Variants in CACNA2D3 observed in about 807,000 individuals in gnomAD.
CACNA2D3 encodes voltage-dependent calcium channel subunit alpha-2/delta-3.
Under a neutral mutation model 160.6 loss-of-function variants are expected in CACNA2D3, and 60 were observed. The ratio of observed to expected loss-of-function variants is 0.37; its 90% CI spans 0.30 to 0.46. The LOEUF is 0.46. Among genes scored for constraint, CACNA2D3 ranks in the 20% least tolerant of loss-of-function variants. The pLI is 1.00. For missense variants in CACNA2D3, 1,205 were observed against 1,365.0 expected, an observed-to-expected ratio of 0.88 and a Z score of 1.85; for synonymous variants, 558 against 492.9, an observed-to-expected ratio of 1.13 and a Z score of -1.75.
chr3:54,284,007 A>G (rs991707539), intron 2 of CACNA2D3, among the ~76,000 whole-genome samples: 3 of 152,206 alleles, frequency 2.0e-5, no homozygotes, highest in African/African-American at 4.8e-5. Context: ...GGTTGCATTG[A>G]GCCGAGATTG....
intron 5 of CACNA2D3, among the ~76,000 whole-genome samples, chr3:54,554,915 C>T (rs1209432330): frequency 3.0e-5 from 4 of 133,394 alleles, no homozygotes; most frequent in Non-Finnish European, 6.2e-5. Context: ...CACTCTGTCA[C>T]CCAGTCTGGA....
chr3:54,308,054 T>C (rs914808909), intron 2 of CACNA2D3, among the ~76,000 whole-genome samples: 1 of 152,234 alleles, frequency 6.6e-6, no homozygotes, highest in Non-Finnish European at 1.5e-5. Flanking sequence ...TTATTCTTTC[T>C]GTAGATTGTG....
chr3:54,424,777 A>G (rs1263664122), intron 4 of CACNA2D3, among the ~76,000 whole-genome samples: 1 of 152,026 alleles, frequency 6.6e-6, no homozygotes, highest in African/African-American at 2.4e-5. Context: ...CACATCCTGT[A>G]TTTCCCATAT....
At chr3:54,193,221 A>G (rs569559137) in intron 2 of CACNA2D3, among the ~76,000 whole-genome samples, 1 of 152,216 alleles carries the variant, frequency 6.6e-6, no homozygotes, top group Non-Finnish European at 1.5e-5. Flanking sequence ...GTGGGACTTT[A>G]TGTCCCTATT....
chr3:54,241,611 T>C (rs372008753), intron 2 of CACNA2D3, among the ~76,000 whole-genome samples: 184 of 152,344 alleles, frequency 1.2e-3, no homozygotes, highest in African/African-American at 4.1e-3. Context: ...GGCTGGTATA[T>C]GGCCTGCATG....
At chr3:54,235,031 C>T (rs142016844) in intron 2 of CACNA2D3, among the ~76,000 whole-genome samples, 5 of 152,152 alleles carry the variant, frequency 3.3e-5, no homozygotes, top group African/African-American at 4.8e-5. Flanking sequence ...AAAAAATTCC[C>T]GTCTTCCAGA....
intron 4 of CACNA2D3, among the ~76,000 whole-genome samples, chr3:54,389,828 A>G (rs1005403096): frequency 2.0e-5 from 3 of 152,230 alleles, no homozygotes; most frequent in Non-Finnish European, 2.9e-5. Flanking sequence ...TGACTACTAC[A>G]TGCAATGTGT....
At chr3:54,921,923 A>G (rs1167862986) in intron 27 of CACNA2D3, among the ~76,000 whole-genome samples, 3 of 148,930 alleles carry the variant, frequency 2.0e-5, no homozygotes, top group Non-Finnish European at 4.6e-5. Context: ...TTTTTTTAAA[A>G]GAAGATCTTG....
chr3:55,020,217 T>C (rs1703416704), intron 35 of CACNA2D3, among the ~76,000 whole-genome samples: 1 of 150,952 alleles, frequency 6.6e-6, no homozygotes, highest in East Asian at 1.9e-4. Flanking sequence ...TTCTAAATTT[T>C]CTTGGTTATT....
Position 54,714,522 on chromosome 3 carries a change from T to C in CACNA2D3, c.1168-38077T>C, listed in dbSNP as rs1220380317. ...CCAAGACTCTTCAGATTCCCAATGG[T>C]GAGAGCAATGGCCGTGCTTGGAAAG... On this transcript the variant is annotated intron_variant, in intron 11 of 37. Transcript: ENST00000474759. Among the ~76,000 whole-genome samples the C allele has an allele frequency of 4.6e-5, 7 of 152,142 alleles. No homozygotes were observed. The East Asian group carries it at 5.8e-4, about 13-fold the overall frequency.
At chr3:55,022,274 G>A (rs1406932677) in intron 35 of CACNA2D3, among the ~76,000 whole-genome samples, 1 of 152,068 alleles carries the variant, frequency 6.6e-6, no homozygotes, top group East Asian at 1.9e-4. Flanking sequence ...GCTAATAGCA[G>A]AGGTACACTA....
intron 13 of CACNA2D3, among the ~76,000 whole-genome samples, chr3:54,807,383 A>C (rs1328276537): frequency 3.9e-5 from 6 of 152,320 alleles, no homozygotes; most frequent in Middle Eastern, 3.4e-3. Flanking sequence ...CCCCATCAAA[A>C]AGTGGGCGAA....
intron 11 of CACNA2D3, among the ~76,000 whole-genome samples, chr3:54,727,222 A>G (rs1419366289): frequency 6.6e-6 from 1 of 152,216 alleles, no homozygotes; most frequent in Non-Finnish European, 1.5e-5. Context: ...ATCTCACACC[A>G]GTTAGAATGG....
At chr3:54,375,720 GT>G (rs1240593019) in intron 3 of CACNA2D3, among the ~76,000 whole-genome samples, 3 of 152,096 alleles carry the variant, frequency 2.0e-5, no homozygotes, top group Non-Finnish European at 4.4e-5. Flanking sequence ...CATCAGAATT[GT>G]TCTTAAAAGG....
chr3:54,487,590 C>A (rs546618352), intron 4 of CACNA2D3, among the ~76,000 whole-genome samples: 1 of 152,238 alleles, frequency 6.6e-6, no homozygotes, highest in East Asian at 1.9e-4. Flanking sequence ...CCCTGGAGTT[C>A]CAACCATGAA....
At chr3:54,138,209 A>G (rs1047296083) in intron 2 of CACNA2D3, among the ~76,000 whole-genome samples, 1 of 152,208 alleles carries the variant, frequency 6.6e-6, no homozygotes, top group Non-Finnish European at 1.5e-5. Context: ...TGGACTCTCA[A>G]CTGCATTTGC....
chr3:54,284,954 C>T (rs571083770), intron 2 of CACNA2D3, among the ~76,000 whole-genome samples: 1 of 152,110 alleles, frequency 6.6e-6, no homozygotes, highest in Non-Finnish European at 1.5e-5. Context: ...TATATACCTA[C>T]GAAGATGGCC....
chr3:54,150,851 G>A (rs374942248), intron 2 of CACNA2D3, among the ~76,000 whole-genome samples: 1 of 142,502 alleles, frequency 7.0e-6, no homozygotes, highest in Non-Finnish European at 1.5e-5. Context: ...TGGATGGATG[G>A]ATGAGTGGGT....
chr3:54,422,505 C>A (rs1337515656), intron 4 of CACNA2D3, among the ~76,000 whole-genome samples: 1 of 152,172 alleles, frequency 6.6e-6, no homozygotes, highest in South Asian at 2.1e-4. Context: ...CAGTATCAAT[C>A]TGCTGCAAAG....
Sources: gnomAD v4.1 joint callset for allele counts (sites outside exome capture counted in the v4.1 genomes callset) on GRCh38, gnomAD v4.1.1 for gene constraint, MANE v1.5 for transcripts, NCBI Gene and HGNC (gene_info 2026-07-23, HGNC 2026-07-21) for gene names.